Variants in HNF4G observed in about 807,000 individuals in gnomAD.
HNF4G encodes hepatocyte nuclear factor 4-gamma.
In HNF4G, 21 loss-of-function variants were observed where a neutral mutation model predicts 50.9. The ratio of observed to expected loss-of-function variants is 0.41; its 90% CI spans 0.29 to 0.59. HNF4G has a LOEUF of 0.59. Ranked by LOEUF, HNF4G falls within the 20% of genes least tolerant of loss-of-function variation. The probability of loss-of-function intolerance (pLI) is 0.26; values close to 1 mark genes in which losing one functional copy is unlikely to be tolerated. For synonymous variants in HNF4G, 198 were observed against 185.6 expected (o/e 1.07, Z -0.54); for missense variants, 527 against 559.4 (o/e 0.94, Z 0.58).
intron 1 of HNF4G, among the ~76,000 whole-genome samples, chr8:75,478,882 C>A (rs1032869472): frequency 6.6e-6 from 1 of 152,104 alleles, no homozygotes; most frequent in Admixed American, 6.6e-5. Context: ...TGCCACCACG[C>A]CTGGCTAATT....
intron 1 of HNF4G, among the ~76,000 whole-genome samples, chr8:75,448,481 C>A (rs1442927199): frequency 1.3e-4 from 14 of 108,674 alleles, no homozygotes; most frequent in African/African-American, 3.6e-4. Flanking sequence ...AAATAAAAGA[C>A]CTCTTTAAAA....
chr8:75,508,757 G>A (rs1805670618), intron 2 of HNF4G, among the ~76,000 whole-genome samples: 1 of 152,066 alleles, frequency 6.6e-6, no homozygotes, highest in African/African-American at 2.4e-5. Context: ...GAGCTGAGAA[G>A]TTCATTAATA....
At chr8:75,532,924 G>T (rs1253444597) in intron 2 of HNF4G, among the ~76,000 whole-genome samples, 1 of 151,892 alleles carries the variant, frequency 6.6e-6, no homozygotes, top group East Asian at 1.9e-4. Context: ...AAAAACAATG[G>T]TTCAGCTATT....
At chr8:75,512,299 A>G (rs1805775579) in intron 2 of HNF4G, among the ~76,000 whole-genome samples, 1 of 151,886 alleles carries the variant, frequency 6.6e-6, no homozygotes, top group South Asian at 2.1e-4. Flanking sequence ...CCTTTAATGA[A>G]TAATTATTAA....
intron 1 of HNF4G, among the ~76,000 whole-genome samples, chr8:75,424,061 T>G (rs1585830362): frequency 6.7e-6 from 1 of 149,902 alleles, no homozygotes; most frequent in Non-Finnish European, 1.5e-5. Flanking sequence ...GACCTCGTGA[T>G]CCGCCTGCCT....
intron 2 of HNF4G, among the ~76,000 whole-genome samples, chr8:75,498,626 A>G (rs2926585): frequency 0.12 from 18,433 of 152,088 alleles, 1,530 homozygotes; most frequent in African/African-American, 0.24. Flanking sequence ...CAGCAATCTT[A>G]TGAATATAAG....
At chr8:75,502,215 T>G (rs1812947585) in intron 2 of HNF4G, among the ~76,000 whole-genome samples, 4 of 152,166 alleles carry the variant, frequency 2.6e-5, no homozygotes, top group African/African-American at 9.7e-5. Flanking sequence ...ATACAATAGA[T>G]TTCTCAAATT....
chr8:75,474,483 T>A (rs1334900468), intron 1 of HNF4G, among the ~76,000 whole-genome samples: 1 of 152,202 alleles, frequency 6.6e-6, no homozygotes, highest in Non-Finnish European at 1.5e-5. Flanking sequence ...ATGAAGGTTT[T>A]AGATTTCATG....
chr8:75,408,576 A>G (rs1810419559), intron 1 of HNF4G, among the ~76,000 whole-genome samples: 1 of 152,236 alleles, frequency 6.6e-6, no homozygotes, highest in East Asian at 1.9e-4. Flanking sequence ...AGATCTTCCT[A>G]GTTAACTTTG....
chr8:75,508,369 T>TA (rs74275110), intron 2 of HNF4G, among the ~76,000 whole-genome samples: 2,113 of 134,520 alleles, frequency 0.016, 15 homozygotes, highest in South Asian at 0.028. Context: ...AGCATTTACT[T>TA]AAAAAAAAAA....
At chr8:75,433,571 G>A (rs548286665) in intron 1 of HNF4G, among the ~76,000 whole-genome samples, 87 of 152,172 alleles carry the variant, frequency 5.7e-4, no homozygotes, top group African/African-American at 2.1e-3. Context: ...AGTAGTAGTA[G>A]TAGTAATAGA....
intron 2 of HNF4G, among the ~76,000 whole-genome samples, chr8:75,527,946 G>T (rs776114676): frequency 4.1e-4 from 63 of 152,284 alleles, no homozygotes; most frequent in Admixed American, 1.0e-3. Context: ...GTAGTTCAGA[G>T]AAATCAATTG....
chr8:75,464,019 C>G (rs989723460), intron 1 of HNF4G, among the ~76,000 whole-genome samples: 1 of 152,092 alleles, frequency 6.6e-6, no homozygotes, highest in African/African-American at 2.4e-5. Flanking sequence ...GGTGATCCAC[C>G]TGCCTCAACC....
chr8:75,452,897 A>G (rs1041567815), intron 1 of HNF4G, among the ~76,000 whole-genome samples: 2 of 152,156 alleles, frequency 1.3e-5, no homozygotes, highest in Non-Finnish European at 2.9e-5. Context: ...GAGATTATTG[A>G]AGGCACTCTC....
At chr8:75,532,845 T>C (rs1806364545) in intron 2 of HNF4G, among the ~76,000 whole-genome samples, 1 of 152,040 alleles carries the variant, frequency 6.6e-6, no homozygotes, top group African/African-American at 2.4e-5. Flanking sequence ...ATAAATTTGT[T>C]CTGTTGCAGA....
chr8:75,423,475 G>T (rs903093577), intron 1 of HNF4G, among the ~76,000 whole-genome samples: 1 of 148,870 alleles, frequency 6.7e-6, no homozygotes, highest in Non-Finnish European at 1.5e-5. Context: ...TCATAACTCC[G>T]CCTCCCAGGT....
intron 1 of HNF4G, among the ~76,000 whole-genome samples, chr8:75,457,725 G>T (rs1054814932): frequency 6.6e-6 from 1 of 152,084 alleles, no homozygotes; most frequent in East Asian, 1.9e-4. Context: ...CATCAGGGGC[G>T]GTGGGGGTGG....
upstream of HNF4G, among the ~76,000 whole-genome samples, chr8:75,537,106 T>G (rs1806485683): frequency 6.6e-6 from 1 of 152,194 alleles, no homozygotes; most frequent in Non-Finnish European, 1.5e-5. Context: ...TTACCAATTT[T>G]ATGCACTTAT....
At position 75,564,120 on chromosome 8, in the gene HNF4G, A is replaced by C; in HGVS notation, c.*24A>C. Reference sequence around the variant, plus strand: ...GAAAATGTGTTTACTTCAGAACGGCACTACATAAATGTGAAAAGTTGTTGA... The same window carrying C: ...GAAAATGTGTTTACTTCAGAACGGCCCTACATAAATGTGAAAAGTTGTTGA... On this transcript the variant is annotated 3_prime_UTR_variant, in exon 10 of 10. Transcript: ENST00000396423. The C allele has an allele frequency of 1.2e-6, 2 of 1,611,466 alleles. No individual in the cohort carries two copies. Among genetic ancestry groups the C allele is most frequent in the Non-Finnish European group, 1.7e-6 (2 of 1,178,558 alleles).
Sources: allele counts gnomAD v4.1 joint callset (sites outside exome capture counted in the v4.1 genomes callset), GRCh38; gene constraint gnomAD v4.1.1; transcripts MANE v1.5; gene names NCBI Gene and HGNC (gene_info 2026-07-23, HGNC 2026-07-21).